Variants in PHKB observed in about 807,000 individuals in gnomAD.
The protein encoded by PHKB is phosphorylase b kinase regulatory subunit beta.
A neutral mutation model predicts 152.1 loss-of-function variants in PHKB; 122 were observed. The observed-to-expected ratio is 0.80, with a 90% CI of 0.69 to 0.93. PHKB has a LOEUF of 0.93. PHKB is among the 40% of genes least tolerant of loss of function. PHKB has a pLI of 0.00. For missense variants in PHKB, 1,304 were observed against 1,328.4 expected (o/e 0.98, Z 0.29); for synonymous variants, 436 against 464.9 (o/e 0.94, Z 0.80).
At chr16:47,543,735 G>A (rs1394829073) in intron 6 of PHKB, among the ~76,000 whole-genome samples, 4 of 152,180 alleles carry the variant, frequency 2.6e-5, no homozygotes, top group African/African-American at 9.7e-5. Context: ...ATGGGAGGCT[G>A]TAGGTCTCCA....
chr16:47,634,718 T>C (rs1972886805), intron 14 of PHKB, among the ~76,000 whole-genome samples: 1 of 152,040 alleles, frequency 6.6e-6, no homozygotes, highest in Non-Finnish European at 1.5e-5. Context: ...TTGATGGGAA[T>C]ATAGTTGGTA....
rs1971978660 is a variant in PHKB at position 47,588,827 on chromosome 16, C to A, written c.871-78C>A. The A allele has an allele frequency of 4.0e-6, 5 of 1,260,702 alleles. No homozygotes were observed. In the Admixed American group the frequency reaches 6.8e-5, roughly 17 times the overall value. 78.1% of individuals were successfully genotyped at this position (1,260,702 alleles called of 1,614,324 possible). Reference sequence around the variant, plus strand: ...TGACTGCATAACCTCACTGGCTTTTCATCTCTATCATTCTCCTTGGGCTGT... The same window carrying A: ...TGACTGCATAACCTCACTGGCTTTTAATCTCTATCATTCTCCTTGGGCTGT... On this transcript the variant is annotated intron_variant, in intron 9 of 30. Transcript: ENST00000323584.
intron 1 of PHKB, among the ~76,000 whole-genome samples, chr16:47,496,422 C>G (rs910421186): frequency 6.6e-6 from 1 of 151,862 alleles, no homozygotes; most frequent in African/African-American, 2.4e-5. Context: ...TTGGACATAG[C>G]AATTTTATGA....
intron 7 of PHKB, among the ~76,000 whole-genome samples, chr16:47,563,575 A>G (rs544313785): frequency 6.6e-6 from 1 of 152,174 alleles, no homozygotes; most frequent in South Asian, 2.1e-4. Flanking sequence ...TGTCATTCAG[A>G]CTTTGTTGTT....
At chr16:47,672,520 T>C (rs1973655102) in intron 26 of PHKB, among the ~76,000 whole-genome samples, 1 of 152,148 alleles carries the variant, frequency 6.6e-6, no homozygotes, top group African/African-American at 2.4e-5. Context: ...AAGCACATTC[T>C]TTGAAATAAG....
At chr16:47,463,930 C>G in intron 1 of PHKB, 1 of 1,614,092 alleles carries the variant, frequency 6.2e-7, no homozygotes, top group East Asian at 2.2e-5. Context: ...TTAGAGCCAA[C>G]AATTTGAAAT....
In PHKB at chr16:47,589,447, C is replaced by T. The variant is rs116327748; in HGVS notation, c.1068+345C>T. 7.0e-3 allele frequency among the ~76,000 whole-genome samples: 1,065 copies of T among 152,274 alleles called. 16 individuals are homozygous for T. The highest frequency in any genetic ancestry group is 0.025 in the African/African-American group (1,020 of 41,548). On this transcript the variant is annotated intron_variant, in intron 10 of 30. Coordinates refer to ENST00000323584, the MANE Select transcript of PHKB (RefSeq NM_000293.3). ...GTGAATAATTTTTCTATTGCATTTT[C>T]AGTCCTATGTTTGCCTGATCCATAC... is the stretch of plus-strand genomic sequence containing the variant.
At chr16:47,647,731 T>C (rs1013127980) in intron 16 of PHKB, among the ~76,000 whole-genome samples, 4 of 150,702 alleles carry the variant, frequency 2.7e-5, no homozygotes, top group Admixed American at 2.0e-4. Context: ...TCTCCTGACC[T>C]CGTGATCTGC....
At chr16:47,547,049 C>T (rs1370393329) in intron 6 of PHKB, among the ~76,000 whole-genome samples, 1 of 152,174 alleles carries the variant, frequency 6.6e-6, no homozygotes, top group Non-Finnish European at 1.5e-5. Flanking sequence ...TTCCCTGACC[C>T]CTTGCACTTC....
chr16:47,557,503 C>T (rs1432590547), intron 7 of PHKB, among the ~76,000 whole-genome samples: 1 of 152,152 alleles, frequency 6.6e-6, no homozygotes, highest in Non-Finnish European at 1.5e-5. Flanking sequence ...GGGCTAATAT[C>T]CAGAATCTAC....
intron 29 of PHKB, among the ~76,000 whole-genome samples, 195 bp from the exon 30 acceptor site, chr16:47,698,253 T>TG (rs1161601846): frequency 6.6e-6 from 1 of 151,962 alleles, no homozygotes; most frequent in African/African-American, 2.4e-5. Flanking sequence ...ATACACACAA[T>TG]GAAAAAAAAG....
chr16:47,523,433 T>C (rs2151656836), intron 6 of PHKB, among the ~76,000 whole-genome samples: 1 of 152,362 alleles, frequency 6.6e-6, no homozygotes, highest in African/African-American at 2.4e-5. Context: ...AACAGGAATT[T>C]ACTTAAATGC....
intron 7 of PHKB, among the ~76,000 whole-genome samples, chr16:47,549,641 G>A (rs1284722458): frequency 1.3e-5 from 2 of 152,098 alleles, no homozygotes; most frequent in Non-Finnish European, 2.9e-5. Flanking sequence ...GTTGCAGTGA[G>A]CCGAGATCGT....
At position 47,649,096 on chromosome 16, in the gene PHKB, A is replaced by C. The variant is rs1470050570; in HGVS notation, c.1693-4A>C. ...TATTTGTTTTAAAACTTTTTCCCTT[A>C]CAGATTTATCGCATTCTAGGAAAGA... On this transcript the variant is annotated splice_polypyrimidine_tract_variant and splice_region_variant and intron_variant, in intron 17 of 30. Coordinates refer to ENST00000323584, the MANE Select transcript of PHKB (RefSeq NM_000293.3). The C allele has an allele frequency of 1.9e-6, 3 of 1,539,224 alleles. No individual in the cohort carries two copies. Among genetic ancestry groups the C allele is most frequent in the Non-Finnish European group, 2.7e-6 (3 of 1,111,992 alleles).
intron 7 of PHKB, among the ~76,000 whole-genome samples, chr16:47,551,618 A>C (rs1971272146): frequency 2.0e-5 from 3 of 152,126 alleles, no homozygotes; most frequent in Admixed American, 2.0e-4. Flanking sequence ...TTTGCTGAGG[A>C]GTATTTTACT....
chr16:47,465,096 AAAC>A (rs1268779679), intron 1 of PHKB, among the ~76,000 whole-genome samples: 1 of 152,274 alleles, frequency 6.6e-6, no homozygotes, highest in African/African-American at 2.4e-5. Flanking sequence ...AAACAGGAGA[AAAC>A]AAAAACTCTT....
chr16:47,646,547 T>A (rs1224488802), intron 16 of PHKB, among the ~76,000 whole-genome samples: 40 of 103,332 alleles, frequency 3.9e-4, no homozygotes, highest in East Asian at 7.9e-4. Flanking sequence ...AAAAAAAACA[T>A]TAAAAATAAA....
rs939686256 is a variant in PHKB at position 47,522,542 on chromosome 16, T to A, written c.594+6941T>A. Among the ~76,000 whole-genome samples the A allele has an allele frequency of 4.0e-5, 6 of 150,730 alleles. No individual in the cohort carries two copies. The South Asian group carries it at 1.2e-3, about 31-fold the overall frequency. ...TTTTTCTCTTCTCCATTTTATTTATTTTTTTTTTAGTCTTTATTATTTTTT... is the reference window on the plus strand; with the variant it reads ...TTTTTCTCTTCTCCATTTTATTTATATTTTTTTTAGTCTTTATTATTTTTT... On this transcript the variant is annotated intron_variant, in intron 6 of 30. Coordinates refer to ENST00000323584, the MANE Select transcript of PHKB (RefSeq NM_000293.3).
chr16:47,685,208 C>T (rs962057366), intron 26 of PHKB, among the ~76,000 whole-genome samples: 2 of 152,172 alleles, frequency 1.3e-5, no homozygotes, highest in Non-Finnish European at 2.9e-5. Context: ...GGGCGGATCA[C>T]GAGGTTAGGA....
Sources: allele counts gnomAD v4.1 joint callset (sites outside exome capture counted in the v4.1 genomes callset), GRCh38; gene constraint gnomAD v4.1.1; transcripts MANE v1.5; gene names NCBI Gene and HGNC (gene_info 2026-07-23, HGNC 2026-07-21).